Variants in CELF2 observed in about 807,000 individuals in gnomAD.
CELF2 encodes CUG triplet repeat RNA-binding protein 2.
In CELF2, 8 loss-of-function variants were observed where a neutral mutation model predicts 62.6. The observed-to-expected ratio is 0.13, with a 90% CI of 0.07 to 0.23. The LOEUF (loss-of-function observed/expected upper bound fraction) is 0.23, where lower values mean the gene tolerates loss of function less well. Among genes scored for constraint, CELF2 ranks in the 10% least tolerant of loss-of-function variants. CELF2 has a pLI of 1.00. For synonymous variants in CELF2, 258 were observed against 250.0 expected, an observed-to-expected ratio of 1.03 and a Z score of -0.30; for missense variants, 333 against 671.0, an observed-to-expected ratio of 0.50 and a Z score of 5.56.
chr10:10,806,897 GA>G (rs1195511448), intron 1 of CELF2, among the ~76,000 whole-genome samples: 1 of 152,186 alleles, frequency 6.6e-6, no homozygotes, highest in African/African-American at 2.4e-5. Flanking sequence ...AACAGGACTA[GA>G]ATCTGATCAC....
chr10:11,050,640 C>CT (rs1206672038), intron 1 of CELF2, among the ~76,000 whole-genome samples: 3 of 152,222 alleles, frequency 2.0e-5, no homozygotes, highest in Non-Finnish European at 4.4e-5. Context: ...TTTCCGTGAT[C>CT]TCCCATCAGT....
intron 1 of CELF2, among the ~76,000 whole-genome samples, chr10:11,088,152 G>GC (rs1483880239): frequency 6.6e-6 from 1 of 152,232 alleles, no homozygotes; most frequent in Non-Finnish European, 1.5e-5. Flanking sequence ...AGGCATGCCA[G>GC]AAAGGAGGCT....
At chr10:10,471,455 A>C in the CELF2 span, among the ~76,000 whole-genome samples, 1 of 151,872 alleles carries the variant, frequency 6.6e-6, no homozygotes, top group East Asian at 1.9e-4. Flanking sequence ...GTTACATTAT[A>C]CTGCTGTGTT....
intron 2 of CELF2, among the ~76,000 whole-genome samples, chr10:11,204,980 A>AT (rs113876308): frequency 0.022 from 3,352 of 152,170 alleles, 138 homozygotes; most frequent in African/African-American, 0.076. Context: ...TGTTTTAGGG[A>AT]TTTTTTGCCT....
chr10:10,821,133 A>G (rs1198338558), intron 1 of CELF2, among the ~76,000 whole-genome samples: 2 of 152,204 alleles, frequency 1.3e-5, no homozygotes, highest in African/African-American at 4.8e-5. Context: ...GGGTGGGGGT[A>G]TCATTTATGT....
At chr10:10,613,510 G>C in the CELF2 span, among the ~76,000 whole-genome samples, 3 of 152,108 alleles carry the variant, frequency 2.0e-5, no homozygotes, top group Non-Finnish European at 4.4e-5. Flanking sequence ...CATTTCATCG[G>C]GGCTTCTTAA....
At chr10:10,628,574 T>G in the CELF2 span, among the ~76,000 whole-genome samples, 1 of 152,232 alleles carries the variant, frequency 6.6e-6, no homozygotes, top group Non-Finnish European at 1.5e-5. Context: ...TGTGTCTGAC[T>G]ATAAGACTTT....
the CELF2 span, among the ~76,000 whole-genome samples, chr10:10,751,635 A>G: frequency 6.6e-6 from 1 of 152,150 alleles, no homozygotes; most frequent in Non-Finnish European, 1.5e-5. Flanking sequence ...CCTTCCTTCT[A>G]TGGCTGTAAA....
At chr10:11,179,590 T>C (rs1265366658) in intron 2 of CELF2, among the ~76,000 whole-genome samples, 3 of 152,248 alleles carry the variant, frequency 2.0e-5, no homozygotes, top group Admixed American at 6.5e-5. Context: ...GTATTCATTC[T>C]TAGGACATGT....
intron 1 of CELF2, among the ~76,000 whole-genome samples, chr10:11,130,282 T>C (rs933627408): frequency 6.6e-6 from 1 of 152,214 alleles, no homozygotes; most frequent in Non-Finnish European, 1.5e-5. Context: ...CAGCAGGCAC[T>C]TACTTTGTGC....
the CELF2 span, among the ~76,000 whole-genome samples, chr10:10,580,218 G>T: frequency 6.6e-6 from 1 of 152,054 alleles, no homozygotes; most frequent in Non-Finnish European, 1.5e-5. Flanking sequence ...AATTAAGGTG[G>T]GGGCAACCTT....
chr10:11,176,620 G>A (rs1370747474), intron 2 of CELF2, among the ~76,000 whole-genome samples: 8 of 152,176 alleles, frequency 5.3e-5, no homozygotes, highest in East Asian at 1.9e-4. Flanking sequence ...CTAGGACAGC[G>A]CCTGGCATAT....
the CELF2 span, among the ~76,000 whole-genome samples, chr10:10,520,882 TG>T: frequency 6.6e-6 from 1 of 151,774 alleles, no homozygotes; most frequent in Non-Finnish European, 1.5e-5. Flanking sequence ...AATGAGCATA[TG>T]GGGGAAAAAA....
rs117285875 is a variant in CELF2 at position 10,833,324 on chromosome 10, G to T, written c.53+34507G>T. Among the ~76,000 whole-genome samples, 611 of 152,252 alleles carry T rather than the reference G, an allele frequency of 4.0e-3. 2 individuals carry two copies. The highest frequency in any genetic ancestry group is 6.5e-3 in the Non-Finnish European group (442 of 68,010). On this transcript the variant is annotated intron_variant, in intron 1 of 13. Coordinates refer to the CELF2 transcript ENST00000636488. ...TCAAAGGCACCTATGCTTGATTTGG[G>T]AATGTACCTGGTATTTTTCCTTACC... is the stretch of plus-strand genomic sequence containing the variant.
intron 8 of CELF2, among the ~76,000 whole-genome samples, chr10:11,281,622 A>G (rs7085741): frequency 0.98 from 149,618 of 152,230 alleles, 73,574 homozygotes; most frequent in East Asian, 1. Context: ...GTGTGGTGGC[A>G]AGCGCCTGTA....
chr10:10,847,203 C>T (rs113328423), intron 1 of CELF2, among the ~76,000 whole-genome samples: 44 of 151,592 alleles, frequency 2.9e-4, no homozygotes, highest in African/African-American at 8.0e-4. Context: ...TTTATATATA[C>T]GCATATATAT....
intron 2 of CELF2, among the ~76,000 whole-genome samples, chr10:10,994,162 G>C (rs1236524425): frequency 6.6e-6 from 1 of 152,236 alleles, no homozygotes; most frequent in Non-Finnish European, 1.5e-5. Flanking sequence ...CATTGGTAAA[G>C]AAGCAATTGG....
intron 1 of CELF2, among the ~76,000 whole-genome samples, chr10:10,820,139 A>T (rs1386649549): frequency 6.6e-6 from 1 of 152,144 alleles, no homozygotes; most frequent in Non-Finnish European, 1.5e-5. Context: ...CCATGTAAGA[A>T]GTGCCTTTCG....
intron 3 of CELF2, among the ~76,000 whole-genome samples, chr10:11,230,029 G>A (rs1345951081): frequency 6.6e-6 from 1 of 152,186 alleles, no homozygotes; most frequent in African/African-American, 2.4e-5. Flanking sequence ...TCATCTGGAT[G>A]TACAGGCACT....
Sources: gnomAD v4.1 joint callset for allele counts (sites outside exome capture counted in the v4.1 genomes callset) on GRCh38, gnomAD v4.1.1 for gene constraint, MANE v1.5 for transcripts, NCBI Gene and HGNC (gene_info 2026-07-23, HGNC 2026-07-21) for gene names.